SPTLC3: variants seen among roughly 807,000 people sequenced by gnomAD.
SPTLC3 encodes serine palmitoyltransferase 3.
In SPTLC3, 36 loss-of-function variants were observed where a neutral mutation model predicts 59.3. That is an observed-to-expected ratio of 0.61 (90% confidence interval 0.47 to 0.80). The LOEUF is 0.80. Among genes scored for constraint, SPTLC3 ranks in the 30% least tolerant of loss-of-function variants. SPTLC3 has a pLI of 0.00. For synonymous variants in SPTLC3, 257 were observed against 240.8 expected (o/e 1.07, Z -0.62); for missense variants, 625 against 685.1 (o/e 0.91, Z 0.98).
rs111644975 is a variant in SPTLC3 at position 13,027,483 on chromosome 20, C to A, written c.117+18099C>A. 2.0e-3 allele frequency among the ~76,000 whole-genome samples: 306 copies of A among 152,202 alleles called. 2 individuals carry two copies. Among genetic ancestry groups the A allele is most frequent in the African/African-American group, 7.0e-3 (290 of 41,522 alleles). On this transcript the variant is annotated intron_variant, in intron 1 of 11. Coordinates refer to ENST00000399002, the MANE Select transcript of SPTLC3 (RefSeq NM_018327.4). ...AATATTATAATGCCAGACACAGACA[C>A]GCCGACTCTACATTCAGGAATGCCT...
intron 9 of SPTLC3, among the ~76,000 whole-genome samples, chr20:13,137,661 T>C (rs2038279478): frequency 6.6e-6 from 1 of 152,174 alleles, no homozygotes; most frequent in Non-Finnish European, 1.5e-5. Context: ...ATTCTGTTCA[T>C]TGAAGTAGTT....
At chr20:13,164,534 A>G in intron 11 of SPTLC3, 1 of 579,020 alleles carries the variant, frequency 1.7e-6, no homozygotes, top group Non-Finnish European at 3.1e-6. Flanking sequence ...CATTCATAGT[A>G]TGGAGTTAGA....
intron 9 of SPTLC3, among the ~76,000 whole-genome samples, chr20:13,138,699 C>T (rs2038310318): frequency 6.6e-6 from 1 of 152,100 alleles, no homozygotes; most frequent in Non-Finnish European, 1.5e-5. Context: ...GTCATAACTA[C>T]TTCATGGATG....
At chr20:13,015,455 A>G (rs907613373) in intron 1 of SPTLC3, among the ~76,000 whole-genome samples, 4 of 152,212 alleles carry the variant, frequency 2.6e-5, no homozygotes, top group East Asian at 1.9e-4. Context: ...ATGAAAATCA[A>G]TTGGAAGGGA....
chr20:13,123,342 A>AAT (rs35453442), intron 8 of SPTLC3, among the ~76,000 whole-genome samples: 1 of 151,474 alleles, frequency 6.6e-6, no homozygotes, highest in South Asian at 2.1e-4. Context: ...AAAAAAAAAA[A>AAT]GTCACCAACT....
intron 7 of SPTLC3, among the ~76,000 whole-genome samples, chr20:13,112,612 AC>A (rs1297921201): frequency 6.6e-6 from 1 of 152,208 alleles, no homozygotes; most frequent in African/African-American, 2.4e-5. Context: ...CCTGGTGATG[AC>A]ACAGAGTGAA....
intron 3 of SPTLC3, 110 bp from the exon 4 acceptor site, chr20:13,074,239 A>G: frequency 7.3e-7 from 1 of 1,376,862 alleles, no homozygotes; most frequent in Non-Finnish European, 1.0e-6. Context: ...CTCCTTGGTC[A>G]CCTCATCCTC....
chr20:13,109,972 C>T (rs1396246779), intron 6 of SPTLC3, 140 bp from the exon 7 acceptor site: 8 of 639,884 alleles, frequency 1.3e-5, no homozygotes, highest in African/African-American at 1.8e-5. Flanking sequence ...GTCTCTCTCT[C>T]CCTAAGGGTT....
intron 2 of SPTLC3, among the ~76,000 whole-genome samples, chr20:13,064,852 T>A (rs569798137): frequency 6.6e-6 from 1 of 152,346 alleles, no homozygotes; most frequent in South Asian, 2.1e-4. Context: ...ACGTATTTCT[T>A]ATGTTCTTTA....
At chr20:13,045,740 C>A (rs540610799) in intron 1 of SPTLC3, among the ~76,000 whole-genome samples, 2 of 152,184 alleles carry the variant, frequency 1.3e-5, no homozygotes, top group South Asian at 4.2e-4. Flanking sequence ...GCTTCCAGAA[C>A]AAGTCACAGG....
At chr20:13,066,624 C>G (rs1437088542) in intron 2 of SPTLC3, among the ~76,000 whole-genome samples, 1 of 152,098 alleles carries the variant, frequency 6.6e-6, no homozygotes, top group Non-Finnish European at 1.5e-5. Context: ...AAGTTTTAAG[C>G]AATCTGATAA....
intron 2 of SPTLC3, among the ~76,000 whole-genome samples, chr20:13,070,395 G>A (rs1053377020): frequency 1.3e-5 from 2 of 152,192 alleles, no homozygotes; most frequent in African/African-American, 4.8e-5. Flanking sequence ...TGGCTTGGGT[G>A]TAGCCATCTG....
chr20:13,119,010 GCTAAAA>G (rs551475728), intron 8 of SPTLC3, among the ~76,000 whole-genome samples: 122 of 152,302 alleles, frequency 8.0e-4, no homozygotes, highest in Admixed American at 3.2e-3. Context: ...GCTGGGTAAT[GCTAAAA>G]CCATTGGGAA....
chr20:13,035,563 T>G (rs1986696899), intron 1 of SPTLC3, among the ~76,000 whole-genome samples: 1 of 152,182 alleles, frequency 6.6e-6, no homozygotes, highest in South Asian at 2.1e-4. Context: ...GAAGGTGCTG[T>G]GTCCAAATAA....
At position 13,080,511 on chromosome 20, in the gene SPTLC3, C is replaced by CAAAAAAAA. The variant is rs3039608; in HGVS notation, c.607+6017_607+6024dup. On this transcript the variant is annotated intron_variant, in intron 4 of 11. Transcript: ENST00000399002. ...GACCGAGTGAAAATCCATCCATCTC[C>CAAAAAAAA]AAAAAAAAAACAGGCAAAACTGCAC... Among the ~76,000 whole-genome samples, 77 of 122,864 alleles carry CAAAAAAAA rather than the reference C, an allele frequency of 6.3e-4. 6 individuals carry two copies. The highest frequency in any genetic ancestry group is 4.3e-3 in the Middle Eastern group (1 of 230). 80.6% of individuals were successfully genotyped at this position (122,864 alleles called of 152,430 possible).
rs187856389 is a variant in SPTLC3, at chr20:13,078,255, G to C, written c.607+3758G>C. Among the ~76,000 whole-genome samples, 555 of 149,054 alleles carry C rather than the reference G, an allele frequency of 3.7e-3. 3 individuals carry two copies. The highest frequency in any genetic ancestry group is 0.013 in the African/African-American group (535 of 40,982). On this transcript the variant is annotated intron_variant, in intron 4 of 11. Transcript: ENST00000399002. ...TAGTATATATAAAAATTGGCATTGA[G>C]ACTAACAGTACCTTCAAATAACAGA... is the stretch of plus-strand genomic sequence containing the variant.
At chr20:13,022,232 G>GCTGACCTTCACAGCACATCTAGAAT (rs1198420276) in intron 1 of SPTLC3, among the ~76,000 whole-genome samples, 4 of 152,112 alleles carry the variant, frequency 2.6e-5, no homozygotes, top group African/African-American at 9.7e-5. Flanking sequence ...TAAAACATGA[G>GCTGACCTTCACAGCACATCTAGAAT]CTGACCTTCA....
chr20:13,122,607 T>C (rs1214748303), intron 8 of SPTLC3, among the ~76,000 whole-genome samples: 1 of 152,218 alleles, frequency 6.6e-6, no homozygotes, highest in Non-Finnish European at 1.5e-5. Flanking sequence ...GTCTATAAAA[T>C]GGGAATTAAA....
chr20:13,031,545 C>T (rs1220760144), intron 1 of SPTLC3, among the ~76,000 whole-genome samples: 1 of 152,098 alleles, frequency 6.6e-6, no homozygotes, highest in African/African-American at 2.4e-5. Flanking sequence ...TCCTTTTCAC[C>T]ACTGCTATGG....
Sources: gnomAD v4.1 joint callset for allele counts (sites outside exome capture counted in the v4.1 genomes callset) on GRCh38, gnomAD v4.1.1 for gene constraint, MANE v1.5 for transcripts, NCBI Gene and HGNC (gene_info 2026-07-23, HGNC 2026-07-21) for gene names.